The following GRM1 variants were observed in gnomAD, a reference collection of about 807,000 sequenced individuals.
GRM1 encodes the protein metabotropic glutamate receptor 1.
A neutral mutation model predicts 90.9 loss-of-function variants in GRM1; 33 were observed. The ratio of observed to expected loss-of-function variants is 0.36; its 90% CI spans 0.28 to 0.49. The LOEUF (loss-of-function observed/expected upper bound fraction) is 0.49. Ranked by LOEUF, GRM1 falls within the 20% of genes least tolerant of loss-of-function variation. The pLI is 0.99. For missense variants in GRM1, 1,190 were observed against 1,534.3 expected, an observed-to-expected ratio of 0.78 and a Z score of 3.75; for synonymous variants, 700 against 613.2, an observed-to-expected ratio of 1.14 and a Z score of -2.09.
At chr6:146,417,680 G>T (rs1777837456) in intron 7 of GRM1, among the ~76,000 whole-genome samples, 2 of 152,136 alleles carry the variant, frequency 1.3e-5, no homozygotes, top group African/African-American at 4.8e-5. Flanking sequence ...AAGAATTTCA[G>T]AATTCTCACA....
At chr6:146,223,828 T>C (rs924978807) in intron 2 of GRM1, among the ~76,000 whole-genome samples, 5 of 152,124 alleles carry the variant, frequency 3.3e-5, no homozygotes, top group African/African-American at 1.2e-4. Flanking sequence ...TTCATAGATG[T>C]TGTACCCATT....
At chr6:146,278,238 T>A (rs1203688322) in intron 2 of GRM1, among the ~76,000 whole-genome samples, 1 of 152,214 alleles carries the variant, frequency 6.6e-6, no homozygotes, top group African/African-American at 2.4e-5. Flanking sequence ...TAGTTTTTAA[T>A]TTTCAGCATA....
chr6:146,114,749 T>G (rs543929199), intron 1 of GRM1, among the ~76,000 whole-genome samples: 2 of 152,302 alleles, frequency 1.3e-5, no homozygotes, highest in South Asian at 4.1e-4. Flanking sequence ...GTGATGGGGT[T>G]ATTCATTTAT....
chr6:146,211,679 A>T lies in GRM1; in HGVS notation c.950+52082A>T, dbSNP rs1055559514. On this transcript the variant is annotated intron_variant, in intron 2 of 7. Coordinates refer to ENST00000282753, the MANE Select transcript of GRM1 (RefSeq NM_001278064.2). ...ACATCTTTCAAAAATCCATGACTAT[A>T]CTTAAATTTCTATGAGCTAATTGCT... is the stretch of plus-strand genomic sequence containing the variant. Among the ~76,000 whole-genome samples the T allele has an allele frequency of 3.9e-5, 6 of 152,232 alleles. No homozygotes were observed. In the East Asian group the frequency reaches 1.2e-3, roughly 29 times the overall value.
At chr6:146,076,144 T>C in intron 1 of GRM1, among the ~76,000 whole-genome samples, 1 of 152,148 alleles carries the variant, frequency 6.6e-6, no homozygotes, top group South Asian at 2.1e-4. Flanking sequence ...ACTGGTGTGT[T>C]TGAAAAACTT....
chr6:146,398,496 T>A (rs1311782957), intron 6 of GRM1, among the ~76,000 whole-genome samples: 1 of 152,236 alleles, frequency 6.6e-6, no homozygotes, highest in Non-Finnish European at 1.5e-5. Flanking sequence ...GAATGACATC[T>A]ATTTATAATG....
At chr6:146,307,307 G>A (rs1783612430) in intron 3 of GRM1, among the ~76,000 whole-genome samples, 1 of 152,110 alleles carries the variant, frequency 6.6e-6, no homozygotes, top group African/African-American at 2.4e-5. Context: ...CTGGAGTCAA[G>A]TTCAGCAAAT....
intron 1 of GRM1, among the ~76,000 whole-genome samples, chr6:146,128,448 G>A (rs555194894): frequency 6.6e-6 from 1 of 152,180 alleles, no homozygotes; most frequent in South Asian, 2.1e-4. Flanking sequence ...CTATTTTTGA[G>A]ATAAGAAAAA....
intron 1 of GRM1, among the ~76,000 whole-genome samples, chr6:146,114,118 C>T (rs566451579): frequency 4.3e-4 from 65 of 152,252 alleles, no homozygotes; most frequent in African/African-American, 1.4e-3. Context: ...GACCTGTGGA[C>T]TCTGATGCGT....
chr6:146,388,685 C>T (rs947846081), intron 6 of GRM1, among the ~76,000 whole-genome samples: 5 of 152,016 alleles, frequency 3.3e-5, no homozygotes, highest in Non-Finnish European at 7.4e-5. Flanking sequence ...CTAAAAATTA[C>T]CCAGGAATTA....
intron 1 of GRM1, among the ~76,000 whole-genome samples, chr6:146,090,634 G>A (rs1057497994): frequency 2.0e-5 from 3 of 152,050 alleles, no homozygotes; most frequent in Admixed American, 2.0e-4. Context: ...ATGAGTCAGG[G>A]CAAGTTCAGC....
rs574845275 is a variant in GRM1 at position 146,409,067 on chromosome 6, T to C, written c.2660+9368T>C. Among the ~76,000 whole-genome samples, 4 of 152,084 alleles carry C rather than the reference T, an allele frequency of 2.6e-5. No homozygotes were observed. In the South Asian group the frequency reaches 8.3e-4, roughly 32 times the overall value. ...GACAACTTAAGCTAGCCTAAGCAAA[T>C]GGGGTGGGGTATTTAATGTAAAAAT... On this transcript the variant is annotated intron_variant, in intron 7 of 7. Transcript: ENST00000282753.
chr6:146,054,376 G>A (rs1775406877), intron 1 of GRM1, among the ~76,000 whole-genome samples: 1 of 152,036 alleles, frequency 6.6e-6, no homozygotes, highest in Non-Finnish European at 1.5e-5. Flanking sequence ...AGATTGAGCA[G>A]TGATATATTT....
rs577954714 is a variant in GRM1, at chr6:146,135,009, T to C, written c.701-24339T>C. ...GTCTAATCACCTCCCACGAGGTCCC[T>C]CCCTCAACATATGATGATTACAATT... On this transcript the variant is annotated intron_variant, in intron 1 of 7. Transcript: ENST00000282753. 2.6e-5 allele frequency among the ~76,000 whole-genome samples: 4 copies of C among 152,292 alleles called. No individual in the cohort carries two copies. In the South Asian group the frequency reaches 8.3e-4, roughly 32 times the overall value.
chr6:146,235,443 C>T (rs1780606275), intron 2 of GRM1, among the ~76,000 whole-genome samples: 1 of 151,984 alleles, frequency 6.6e-6, no homozygotes, highest in Non-Finnish European at 1.5e-5. Flanking sequence ...GTATTTGTGA[C>T]TTCATGGATA....
chr6:146,085,162 C>T (rs1304691681), intron 1 of GRM1, among the ~76,000 whole-genome samples: 2 of 151,910 alleles, frequency 1.3e-5, no homozygotes, highest in African/African-American at 4.8e-5. Flanking sequence ...GAACCAGCAA[C>T]AGAAATGGCT....
chr6:146,190,892 C>T (rs1213685119), intron 2 of GRM1, among the ~76,000 whole-genome samples: 2 of 152,144 alleles, frequency 1.3e-5, no homozygotes, highest in Admixed American at 1.3e-4. Context: ...CATCACCCCT[C>T]TGATTTACGT....
At chr6:146,304,329 C>T (rs573655974) in intron 2 of GRM1, among the ~76,000 whole-genome samples, 4 of 152,208 alleles carry the variant, frequency 2.6e-5, no homozygotes, top group Non-Finnish European at 5.9e-5. Context: ...AAGTGAATGG[C>T]GCAGAATCTG....
intron 2 of GRM1, among the ~76,000 whole-genome samples, chr6:146,239,282 G>A (rs965938409): frequency 2.6e-4 from 40 of 152,264 alleles, no homozygotes; most frequent in African/African-American, 9.4e-4. Context: ...TCTAAAAAAT[G>A]TATCTACGAA....
Sources: allele counts gnomAD v4.1 joint callset (sites outside exome capture counted in the v4.1 genomes callset), GRCh38; gene constraint gnomAD v4.1.1; transcripts MANE v1.5; gene names NCBI Gene and HGNC (gene_info 2026-07-23, HGNC 2026-07-21).